The following ZNF670 variants were observed in gnomAD, a reference collection of about 807,000 sequenced individuals.
ZNF670 encodes zinc finger protein 670.
A neutral mutation model predicts 10.9 loss-of-function variants in ZNF670; 7 were observed. That is an observed-to-expected ratio of 0.64 (90% CI 0.36 to 1.20). The LOEUF is 1.20. Ranked by LOEUF, ZNF670 falls within the 50% of genes most tolerant of loss-of-function variation. The pLI, the probability that ZNF670 is intolerant of heterozygous loss-of-function variation, is 0.02. For synonymous variants in ZNF670, 136 were observed against 152.7 expected, an observed-to-expected ratio of 0.89 and a Z score of 0.81; for missense variants, 446 against 458.6, an observed-to-expected ratio of 0.97 and a Z score of 0.25.
At chr1:247,043,815 A>G (rs1201300575) in intron 1 of ZNF670, 3 of 360,454 alleles carry the variant, frequency 8.3e-6, no homozygotes, top group Non-Finnish European at 1.6e-5. Flanking sequence ...TTACTGTTCC[A>G]ACCATAAGCC....
At chr1:247,068,576 G>A (rs1214348624) in intron 1 of ZNF670, among the ~76,000 whole-genome samples, 2 of 150,666 alleles carry the variant, frequency 1.3e-5, no homozygotes, top group South Asian at 2.1e-4. Flanking sequence ...GTAAATTAGT[G>A]CAACCACTAT....
At chr1:247,076,358 G>A (rs188107608) in intron 1 of ZNF670, among the ~76,000 whole-genome samples, 301 of 151,708 alleles carry the variant, frequency 2.0e-3, no homozygotes, top group African/African-American at 6.6e-3. Flanking sequence ...CTAGGTTCAC[G>A]CCATTCTCCT....
chr1:247,045,442 G>A (rs536982268), intron 1 of ZNF670, among the ~76,000 whole-genome samples: 2 of 152,162 alleles, frequency 1.3e-5, no homozygotes, highest in East Asian at 3.9e-4. Context: ...AGGAGAGCCG[G>A]GTATTTAAGA....
intron 1 of ZNF670, among the ~76,000 whole-genome samples, chr1:247,041,426 A>AT (rs1670307058): frequency 6.6e-6 from 1 of 152,182 alleles, no homozygotes; most frequent in Admixed American, 6.5e-5. Context: ...AAGACCACCT[A>AT]TTTTTTTAAA....
chr1:247,038,914 T>C (rs1670234592), intron 2 of ZNF670, 44 bp from the exon 3 acceptor site: 2 of 1,524,126 alleles, frequency 1.3e-6, no homozygotes, highest in East Asian at 2.3e-5. Context: ...TTAGAAACTT[T>C]AAAAATTGCT....
At chr1:247,061,480 C>T (rs1206826071) in intron 1 of ZNF670, among the ~76,000 whole-genome samples, 1 of 151,900 alleles carries the variant, frequency 6.6e-6, no homozygotes, top group Non-Finnish European at 1.5e-5. Context: ...GCTATTAAAA[C>T]TAATTTTTGT....
intron 1 of ZNF670, among the ~76,000 whole-genome samples, chr1:247,050,350 TGCTCCC>T (rs1670561115): frequency 6.6e-6 from 1 of 152,232 alleles, no homozygotes; most frequent in Admixed American, 6.5e-5. Flanking sequence ...CTCCTGCTCC[TGCTCCC>T]TTTTGTTGTC....
At chr1:247,065,766 T>C (rs989322862) in intron 1 of ZNF670, among the ~76,000 whole-genome samples, 3 of 152,170 alleles carry the variant, frequency 2.0e-5, no homozygotes, top group African/African-American at 4.8e-5. Context: ...TACAGTCACA[T>C]GGAAATAAAG....
intron 1 of ZNF670, among the ~76,000 whole-genome samples, chr1:247,050,871 ATTAAT>A (rs1670575820): frequency 6.6e-6 from 1 of 152,072 alleles, no homozygotes; most frequent in East Asian, 1.9e-4. Context: ...GTACCCTTCT[ATTAAT>A]CATGCTGCAA....
chr1:247,041,696 T>A (rs1222763215), intron 1 of ZNF670, among the ~76,000 whole-genome samples: 1 of 152,206 alleles, frequency 6.6e-6, no homozygotes, highest in Non-Finnish European at 1.5e-5. Flanking sequence ...CATAGGAGCA[T>A]TATTTTTCCC....
At chr1:247,051,262 A>C (rs1483792473) in intron 1 of ZNF670, among the ~76,000 whole-genome samples, 5 of 131,926 alleles carry the variant, frequency 3.8e-5, no homozygotes, top group South Asian at 2.4e-4. Flanking sequence ...TCCAAGAAAA[A>C]AAAAAACAAA....
chr1:247,071,643 A>G (rs1402936993), intron 1 of ZNF670, among the ~76,000 whole-genome samples: 2 of 152,246 alleles, frequency 1.3e-5, no homozygotes, highest in African/African-American at 2.4e-5. Context: ...AGAAAAAAAG[A>G]AACTGGTGAA....
At position 247,078,732 on chromosome 1, in the gene ZNF670, C is replaced by G; in HGVS notation, c.-136G>C. The G allele has an allele frequency of 1.1e-6, 1 of 904,546 alleles. No homozygotes were observed. The highest frequency in any genetic ancestry group is 1.6e-5 in the South Asian group (1 of 61,536). 56.0% of individuals were successfully genotyped at this position (904,546 alleles called of 1,614,324 possible). On this transcript the variant is annotated 5_prime_UTR_variant, in exon 1 of 4. Coordinates refer to ENST00000366503, the MANE Select transcript of ZNF670 (RefSeq NM_033213.5). ...AGGAGCAGCGGAGACGCACCGAGCT[C>G]GCCACATTCGCGCTGCCCAACACAA...
chr1:247,045,232 C>T (rs7549699), intron 1 of ZNF670, among the ~76,000 whole-genome samples: 4,208 of 152,196 alleles, frequency 0.028, 197 homozygotes, highest in African/African-American at 0.094. Context: ...GCTTAGGGAT[C>T]CCCAGTAATT....
chr1:247,049,095 T>G (rs1670529128), intron 1 of ZNF670, among the ~76,000 whole-genome samples: 1 of 149,042 alleles, frequency 6.7e-6, no homozygotes, highest in Admixed American at 6.6e-5. Context: ...TCCTGTTTCA[T>G]TTCTTTTTTT....
chr1:247,035,167 T>C lies in ZNF670; in HGVS notation c.*2282A>G, dbSNP rs761757118. Among the ~76,000 whole-genome samples, 1 of 152,246 alleles carries C rather than the reference T, an allele frequency of 6.6e-6. No individual in the cohort carries two copies. ...GCTGAAAAGATATCATCAGTCATGG[T>C]TGGTTCATTCTGTTGGTAATGCCAA... On this transcript the variant is annotated 3_prime_UTR_variant, in exon 4 of 4. Coordinates refer to ENST00000366503, the MANE Select transcript of ZNF670 (RefSeq NM_033213.5).
rs1670217296 is a variant in ZNF670 at position 247,038,342 on chromosome 1, T to C, written c.277A>G (p.Asn93Asp). 6.2e-7 allele frequency: 1 copy of C among 1,614,080 alleles called. No individual in the cohort carries two copies. Among genetic ancestry groups the C allele is most frequent in the South Asian group, 1.1e-5 (1 of 91,084 alleles). ...TFSQDSNLNL[N>D]KKVSTGVKPC... Reference sequence around the variant, plus strand: ...TTTACTCCAGTAGAAACTTTCTTATTCAGATTCAAATTTGAATCCTGGCTG... The same window carrying C: ...TTTACTCCAGTAGAAACTTTCTTATCCAGATTCAAATTTGAATCCTGGCTG... The change falls in exon 4 of 4, where the codon AAT becomes GAT. Residue 93 changes from asparagine (N) to aspartate (D), a missense_variant. By Grantham distance (23) the Asn-to-Asp change is conservative. Transcript: ENST00000366503.
rs201099083 is a variant in ZNF670, at chr1:247,061,267, C to T, written c.3+17327G>A. ...CGCGATCTTGGCTCAATGCAACCTCCGCCTCCTGGGTTCAAGCAATTCTCT... is the reference window on the plus strand; with the variant it reads ...CGCGATCTTGGCTCAATGCAACCTCTGCCTCCTGGGTTCAAGCAATTCTCT... On this transcript the variant is annotated intron_variant, in intron 1 of 3. Coordinates refer to ENST00000366503, the MANE Select transcript of ZNF670 (RefSeq NM_033213.5). Among the ~76,000 whole-genome samples, 40 of 151,340 alleles carry T rather than the reference C, an allele frequency of 2.6e-4. No homozygotes were observed. The East Asian group carries it at 6.6e-3, about 25-fold the overall frequency.
At chr1:247,069,249 A>G (rs1268089194) in intron 1 of ZNF670, among the ~76,000 whole-genome samples, 2 of 151,122 alleles carry the variant, frequency 1.3e-5, no homozygotes, top group Non-Finnish European at 2.9e-5. Flanking sequence ...TGCTTATTTC[A>G]CATTGCATAC....
Sources: allele counts gnomAD v4.1 joint callset (sites outside exome capture counted in the v4.1 genomes callset), GRCh38; gene constraint gnomAD v4.1.1; transcripts MANE v1.5; gene names NCBI Gene and HGNC (gene_info 2026-07-23, HGNC 2026-07-21).